CASR: variants seen among roughly 807,000 people sequenced by gnomAD.
CASR encodes the protein extracellular calcium-sensing receptor.
CASR carries 23 observed loss-of-function variants against 69.1 expected under a neutral mutation model. The observed-to-expected ratio is 0.33, with a 90% CI of 0.24 to 0.47. CASR has a LOEUF of 0.47. Among genes scored for constraint, CASR ranks in the 20% least tolerant of loss-of-function variants. The pLI, the probability that CASR is intolerant of heterozygous loss-of-function variation, is 1.00. For missense variants in CASR, 924 were observed against 1,356.1 expected (o/e 0.68, Z 5.00); for synonymous variants, 541 against 544.7 (o/e 0.99, Z 0.10).
intron 1 of CASR, among the ~76,000 whole-genome samples, chr3:122,238,178 C>T (rs1443946251): frequency 4.6e-5 from 7 of 152,326 alleles, no homozygotes; most frequent in East Asian, 1.9e-4. Flanking sequence ...AGCCTTGAAT[C>T]GCTGATACCA....
intron 1 of CASR, 150 bp from the exon 2 acceptor site, chr3:122,253,798 G>C (rs111766822): frequency 6.0e-4 from 148 of 246,662 alleles, no homozygotes; most frequent in African/African-American, 2.9e-3. Flanking sequence ...TACATGAAGT[G>C]CTATAAAAAT....
chr3:122,284,375 C>T lies in CASR; in HGVS notation c.2421C>T (p.Ile807=), dbSNP rs1559969145. 1 of 1,614,126 alleles carries T rather than the reference C, an allele frequency of 6.2e-7. No individual in the cohort carries two copies. Among genetic ancestry groups the T allele is most frequent in the Non-Finnish European group, 8.5e-7 (1 of 1,180,030 alleles). Reference sequence around the variant, plus strand: ...AGAACTTCAATGAAGCCAAGTTCATCACCTTCAGCATGCTCATCTTCTTCA... The same window carrying T: ...AGAACTTCAATGAAGCCAAGTTCATTACCTTCAGCATGCTCATCTTCTTCA... ...LPENFNEAKF[I]TFSMLIFFIV... Residue 807 remains isoleucine (I), a synonymous_variant, in exon 7 of 7, where the codon ATC becomes ATT. Transcript: ENST00000639785.
At chr3:122,265,021 C>A (rs1370278979) in intron 4 of CASR, among the ~76,000 whole-genome samples, 1 of 152,222 alleles carries the variant, frequency 6.6e-6, no homozygotes, top group Non-Finnish European at 1.5e-5. Context: ...GGCACAGCAT[C>A]TTTGCATAGG....
chr3:122,284,233 T>G lies in CASR; in HGVS notation c.2279T>G (p.Ile760Ser). 6.2e-7 allele frequency: 1 copy of G among 1,614,038 alleles called. No homozygotes were observed. Among genetic ancestry groups the G allele is most frequent in the Non-Finnish European group, 8.5e-7 (1 of 1,180,014 alleles). The part of the protein sequence containing the change: ...SYRNQELEDE[I>S]IFITCHEGSL... ...CGCAACCAGGAGCTGGAGGATGAGA[T>G]CATCTTCATCACGTGCCACGAGGGC... The change falls in exon 7 of 7, where the codon ATC (isoleucine) becomes AGC (serine). Residue 760 changes from isoleucine to serine, a missense_variant. Around this residue, in one of 8 missense-constraint regions of CASR, gnomAD observed 184 missense variants for 278.8 expected, o/e 0.66. Coordinates refer to ENST00000639785, the MANE Select transcript of CASR (RefSeq NM_000388.4).
Position 122,284,231 on chromosome 3 carries a change from G to A in CASR, c.2277G>A (p.Glu759=). The A allele has an allele frequency of 1.2e-6, 2 of 1,614,090 alleles. No homozygotes were observed. The highest frequency in any genetic ancestry group is 2.2e-5 in the East Asian group (1 of 44,880). ...ACCGCAACCAGGAGCTGGAGGATGA[G>A]ATCATCTTCATCACGTGCCACGAGG... ...SSYRNQELED[E]IIFITCHEGS... Residue 759 remains glutamate (E), a synonymous_variant, in exon 7 of 7, where the codon GAG becomes GAA. Coordinates refer to ENST00000639785, the MANE Select transcript of CASR (RefSeq NM_000388.4).
At chr3:122,245,054 C>G (rs2107617132) in intron 1 of CASR, among the ~76,000 whole-genome samples, 1 of 152,232 alleles carries the variant, frequency 6.6e-6, no homozygotes, top group Middle Eastern at 3.4e-3. Context: ...TCAGGACCCC[C>G]TCAGATACCA....
At chr3:122,184,400 G>A (rs982358103) in intron 1 of CASR, 2 of 152,660 alleles carry the variant, frequency 1.3e-5, no homozygotes, top group African/African-American at 4.8e-5. Context: ...GCCTCTCCAA[G>A]ACCGTGACCT....
intron 1 of CASR, among the ~76,000 whole-genome samples, chr3:122,213,574 C>G (rs1174371646): frequency 6.6e-6 from 1 of 152,020 alleles, no homozygotes; most frequent in Non-Finnish European, 1.5e-5. Flanking sequence ...GGCACCATAC[C>G]CCATATGAAT....
intron 1 of CASR, among the ~76,000 whole-genome samples, chr3:122,202,779 TAA>T (rs2073970610): frequency 6.6e-6 from 1 of 152,240 alleles, no homozygotes; most frequent in Admixed American, 6.5e-5. Flanking sequence ...TCTAAATTCT[TAA>T]AAGTTTTTCC....
chr3:122,222,265 C>A (rs1273860208), intron 1 of CASR, among the ~76,000 whole-genome samples: 1 of 152,094 alleles, frequency 6.6e-6, no homozygotes, highest in African/African-American at 2.4e-5. Flanking sequence ...CCTGAGATAT[C>A]CACCACTTTT....
At chr3:122,203,345 T>G (rs1438282378) in intron 1 of CASR, among the ~76,000 whole-genome samples, 1 of 152,204 alleles carries the variant, frequency 6.6e-6, no homozygotes, top group East Asian at 1.9e-4. Flanking sequence ...TTAGGTGATT[T>G]CATTATTGTT....
In CASR at chr3:122,284,525, C is replaced by T. The variant is rs1367231182; in HGVS notation, c.2571C>T (p.Ile857=). Residue 857 remains isoleucine (I), a synonymous_variant, in exon 7 of 7, where the codon ATC becomes ATT. Coordinates refer to ENST00000639785, the MANE Select transcript of CASR (RefSeq NM_000388.4). ...GLLACIFFNK[I]YIILFKPSRN... is the part of the protein sequence containing the mutation. ...TGGCGTGCATCTTCTTCAACAAGAT[C>T]TACATCATTCTCTTCAAGCCATCCC... 3.7e-6 allele frequency: 6 copies of T among 1,613,584 alleles called. No homozygotes were observed. The highest frequency in any genetic ancestry group is 5.1e-6 in the Non-Finnish European group (6 of 1,180,040).
intron 1 of CASR, among the ~76,000 whole-genome samples, chr3:122,185,412 G>A (rs1341238087): frequency 6.6e-6 from 1 of 152,194 alleles, no homozygotes; most frequent in East Asian, 1.9e-4. Context: ...GGTCCTCAGG[G>A]TAGGGAGCCT....
intron 1 of CASR, among the ~76,000 whole-genome samples, chr3:122,195,276 C>T (rs2073878560): frequency 6.6e-6 from 1 of 152,204 alleles, no homozygotes; most frequent in South Asian, 2.1e-4. Flanking sequence ...CTTTCATTTC[C>T]TCCCCATCCA....
chr3:122,251,315 C>T (rs1392384526), intron 1 of CASR, among the ~76,000 whole-genome samples: 2 of 152,188 alleles, frequency 1.3e-5, no homozygotes, highest in Non-Finnish European at 2.9e-5. Context: ...ACATAAGAGA[C>T]TATGTTCTTA....
chr3:122,264,862 T>A (rs2074671708), intron 4 of CASR, among the ~76,000 whole-genome samples: 1 of 152,204 alleles, frequency 6.6e-6, no homozygotes, highest in African/African-American at 2.4e-5. Flanking sequence ...CAATTATTCA[T>A]TCATTCTCAA....
chr3:122,210,573 T>C (rs1308270794), intron 1 of CASR, among the ~76,000 whole-genome samples: 4 of 152,104 alleles, frequency 2.6e-5, no homozygotes, highest in African/African-American at 9.7e-5. Context: ...AAACCACTGC[T>C]CAAGGAAATC....
intron 1 of CASR, among the ~76,000 whole-genome samples, chr3:122,235,783 A>T (rs533843975): frequency 6.6e-5 from 10 of 152,354 alleles, no homozygotes; most frequent in African/African-American, 1.9e-4. Flanking sequence ...CAACATAGTG[A>T]GACCATGTCT....
intron 1 of CASR, among the ~76,000 whole-genome samples, chr3:122,209,675 AGATG>A (rs2074042645): frequency 6.6e-6 from 1 of 152,186 alleles, no homozygotes; most frequent in Non-Finnish European, 1.5e-5. Context: ...GTACAATTCA[AGATG>A]AGATTTGGGT....
Sources: allele counts gnomAD v4.1 joint callset (sites outside exome capture counted in the v4.1 genomes callset), GRCh38; gene constraint gnomAD v4.1.1; regional missense constraint gnomAD v4.1.1; transcripts MANE v1.5; gene names NCBI Gene and HGNC (gene_info 2026-07-23, HGNC 2026-07-21).